ZNF345: variants seen among roughly 807,000 people sequenced by gnomAD.
ZNF345 encodes the protein zinc finger protein 345.
For missense variants in ZNF345, 527 were observed against 589.9 expected (o/e 0.89, Z 1.10); for synonymous variants, 166 against 187.9 (o/e 0.88, Z 0.95).
chr19:36,893,106 A>C (rs1305119565), downstream of ZNF345: 3 of 397,684 alleles, frequency 7.5e-6, no homozygotes, highest in African/African-American at 2.1e-5. Context: ...TGTTAAGAAT[A>C]ACAAATGTGT....
intron 2 of ZNF345, among the ~76,000 whole-genome samples, chr19:36,853,468 G>A (rs2072335116): frequency 6.6e-6 from 1 of 151,984 alleles, no homozygotes; most frequent in South Asian, 2.1e-4. Context: ...GGCTGGCCTG[G>A]AACTAGGTGA....
chr19:36,881,894 CCTTTT>C (rs1254703158), downstream of ZNF345, among the ~76,000 whole-genome samples: 1 of 151,900 alleles, frequency 6.6e-6, no homozygotes, highest in Non-Finnish European at 1.5e-5. Context: ...TTTAATGGTT[CCTTTT>C]CTTTAGATTT....
chr19:36,887,704 C>G lies in ZNF345; in HGVS notation c.47-5114C>G, dbSNP rs535144502. 7.5e-4 allele frequency among the ~76,000 whole-genome samples: 114 copies of G among 152,252 alleles called. 2 individuals carry two copies. In the Middle Eastern group the frequency reaches 0.024, roughly 32 times the overall value. On this transcript the variant is annotated intron_variant, in intron 3 of 3. Transcript: ENST00000526123. The stretch of plus-strand genomic sequence containing the variant: ...ACACGTAGAGCCCAGACCACTGTTT[C>G]CTGACATGCTAGGCTAAAAGTCAAG...
downstream of ZNF345, among the ~76,000 whole-genome samples, chr19:36,883,622 A>C (rs910552426): frequency 3.0e-4 from 45 of 152,350 alleles, no homozygotes; most frequent in African/African-American, 1.0e-3. Flanking sequence ...CAGCCTAAGG[A>C]GGCTTCTTTG....
chr19:36,887,923 T>A (rs10405878), intron 3 of ZNF345, among the ~76,000 whole-genome samples: 5,306 of 152,224 alleles, frequency 0.035, 340 homozygotes, highest in African/African-American at 0.12. Flanking sequence ...GAAAAAATAA[T>A]AGTTATGTGT....
chr19:36,891,360 A>T, intron 3 of ZNF345: 1 of 900,774 alleles, frequency 1.1e-6, no homozygotes, highest in Non-Finnish European at 1.6e-6. Context: ...GGTACTTGGT[A>T]CTTTGTTATC....
At chr19:36,875,767 T>A (rs967876024) in intron 2 of ZNF345, among the ~76,000 whole-genome samples, 25 of 152,184 alleles carry the variant, frequency 1.6e-4, no homozygotes, top group African/African-American at 5.8e-4. Flanking sequence ...TAGAAAGAGA[T>A]TGGTGCCGAA....
At chr19:36,855,270 G>A (rs1484632044) in intron 2 of ZNF345, among the ~76,000 whole-genome samples, 1 of 150,954 alleles carries the variant, frequency 6.6e-6, no homozygotes, top group Non-Finnish European at 1.5e-5. Context: ...AGCCTCCCAA[G>A]TAGCTGGGAC....
chr19:36,852,128 CTTTTTT>C (rs35747733), intron 2 of ZNF345, among the ~76,000 whole-genome samples: 1 of 102,704 alleles, frequency 9.7e-6, no homozygotes, highest in African/African-American at 3.9e-5. Flanking sequence ...TTCTTTCTTT[CTTTTTT>C]TTTTTTTTTT....
intron 2 of ZNF345, among the ~76,000 whole-genome samples, chr19:36,854,999 C>A (rs1311836954): frequency 1.3e-5 from 2 of 151,650 alleles, no homozygotes; most frequent in African/African-American, 4.8e-5. Context: ...CTACACGCAC[C>A]CGCCACCATG....
chr19:36,884,598 C>T (rs510834), intron 3 of ZNF345, among the ~76,000 whole-genome samples: 10,211 of 152,162 alleles, frequency 0.067, 934 homozygotes, highest in African/African-American at 0.21. Context: ...TAATATACTG[C>T]CCACATAGCT....
downstream of ZNF345, among the ~76,000 whole-genome samples, chr19:36,881,878 A>G (rs2072970342): frequency 6.6e-6 from 1 of 152,106 alleles, no homozygotes; most frequent in Non-Finnish European, 1.5e-5. Flanking sequence ...CTACTTCATC[A>G]ATGATTTTAA....
chr19:36,880,475 T>C (rs1003791161), downstream of ZNF345, among the ~76,000 whole-genome samples: 2 of 152,132 alleles, frequency 1.3e-5, no homozygotes, highest in African/African-American at 4.8e-5. Context: ...TCAGTACTCA[T>C]CTGCATGATT....
In ZNF345 at chr19:36,866,095, ATTATATT is replaced by A. The variant is rs529088816; in HGVS notation, c.-46-10689_-46-10683del. Among the ~76,000 whole-genome samples, 12 of 152,184 alleles carry A rather than the reference ATTATATT, an allele frequency of 7.9e-5. No individual in the cohort carries two copies. The South Asian group carries it at 1.9e-3, about 24-fold the overall frequency. On this transcript the variant is annotated intron_variant, in intron 2 of 2. Coordinates refer to ENST00000420450, the MANE Select transcript of ZNF345 (RefSeq NM_001242472.2). ...TTAGGGTGTGTGTGTGTGTTCATAAATTATATTAGCCCAAAATTATTCTCTCTTCATA... is the reference window on the plus strand; with the variant it reads ...TTAGGGTGTGTGTGTGTGTTCATAAAAGCCCAAAATTATTCTCTCTTCATA...
intron 2 of ZNF345, among the ~76,000 whole-genome samples, chr19:36,856,470 CTTTGA>C (rs1477708685): frequency 2.6e-5 from 4 of 151,478 alleles, no homozygotes; most frequent in Admixed American, 6.6e-5. Context: ...TTTTTCAGTT[CTTTGA>C]TTTATGTCTC....
intron 3 of ZNF345, chr19:36,892,782 A>C (rs1362062423): frequency 4.0e-6 from 2 of 499,232 alleles, no homozygotes; most frequent in Non-Finnish European, 6.4e-6. Flanking sequence ...AGAGATTCTA[A>C]TTAAAAAAAA....
intron 3 of ZNF345, chr19:36,892,155 A>T (rs930603104): frequency 1.9e-6 from 3 of 1,614,134 alleles, no homozygotes; most frequent in Non-Finnish European, 2.5e-6. Context: ...CCTTACATTC[A>T]TAGGGTTTTT....
At chr19:36,889,353 T>G (rs1169650750) in intron 3 of ZNF345, 4 of 152,188 alleles carry the variant, frequency 2.6e-5, no homozygotes, top group African/African-American at 9.7e-5. Flanking sequence ...TTTGGAATAG[T>G]TTCAATAGTG....
At chr19:36,881,670 T>A (rs556802936), downstream of ZNF345, among the ~76,000 whole-genome samples, 121 of 152,274 alleles carry the variant, frequency 7.9e-4, no homozygotes, top group African/African-American at 2.5e-3. Flanking sequence ...TTTTAATTTT[T>A]AAAAAGAATG....
Sources: allele counts gnomAD v4.1 joint callset (sites outside exome capture counted in the v4.1 genomes callset), GRCh38; gene constraint gnomAD v4.1.1; transcripts MANE v1.5; gene names NCBI Gene and HGNC (gene_info 2026-07-23, HGNC 2026-07-21).